SNRPE: variants seen among roughly 807,000 people sequenced by gnomAD.
SNRPE encodes the protein small nuclear ribonucleoprotein E.
For synonymous variants in SNRPE, 35 were observed against 36.7 expected, an observed-to-expected ratio of 0.95 and a Z score of 0.17; for missense variants, 53 against 111.6, an observed-to-expected ratio of 0.48 and a Z score of 2.36.
At chr1:203,869,778 CA>C in intron 4 of SNRPE, 98 bp from the exon 5 acceptor site, 1 of 767,888 alleles carries the variant, frequency 1.3e-6, no homozygotes, top group Non-Finnish European at 2.1e-6. Flanking sequence ...TATAAGAAAG[CA>C]TTTTCAAAAT....
chr1:203,869,726 A>C (rs1000672610), intron 4 of SNRPE, 151 bp from the exon 5 acceptor site: 4 of 571,626 alleles, frequency 7.0e-6, no homozygotes, highest in African/African-American at 5.7e-5. Context: ...GGAGCCAGAA[A>C]GCCTTTCACT....
chr1:203,862,361 AG>A (rs1471115343), intron 2 of SNRPE, 139 bp downstream of exon 2: 3 of 676,102 alleles, frequency 4.4e-6, no homozygotes, highest in Non-Finnish European at 8.0e-6. Context: ...ATTGAGGGGA[AG>A]GAGTACTTAG....
intron 3 of SNRPE, among the ~76,000 whole-genome samples, chr1:203,864,203 C>T (rs890404943): frequency 6.6e-6 from 1 of 152,128 alleles, no homozygotes; most frequent in Non-Finnish European, 1.5e-5. Flanking sequence ...ATTCTCCCAC[C>T]TCAGCCTCTC....
intron 3 of SNRPE, among the ~76,000 whole-genome samples, chr1:203,864,146 G>GGTT (rs1690037860): frequency 6.6e-6 from 1 of 151,964 alleles, no homozygotes; most frequent in Non-Finnish European, 1.5e-5. Flanking sequence ...TAGAGATGAG[G>GGTT]TCTCACTGTG....
chr1:203,862,329 T>C, intron 2 of SNRPE, 107 bp downstream of exon 2: 1 of 810,640 alleles, frequency 1.2e-6, no homozygotes, highest in Non-Finnish European at 2.1e-6. Context: ...TAAAAATAGA[T>C]GTAACTGGAG....
In SNRPE at chr1:203,870,019, G is replaced by A; in HGVS notation, c.*87G>A. 1.3e-6 allele frequency: 1 copy of A among 799,252 alleles called. No individual in the cohort carries two copies. The highest frequency in any genetic ancestry group is 2.7e-5 in the East Asian group (1 of 36,926). 49.5% of individuals were successfully genotyped at this position (799,252 alleles called of 1,614,324 possible). On this transcript the variant is annotated 3_prime_UTR_variant, in exon 5 of 5. Coordinates refer to ENST00000414487, the MANE Select transcript of SNRPE (RefSeq NM_003094.4). ...TCCAATGTGAACATTTATTCATATT[G>A]TTTTGATTACCCTCGTGTTACTACA...
At chr1:203,864,767 T>C (rs894211685) in intron 3 of SNRPE, among the ~76,000 whole-genome samples, 3 of 150,692 alleles carry the variant, frequency 2.0e-5, no homozygotes, top group Non-Finnish European at 2.9e-5. Context: ...TTCCAGCTAC[T>C]TGGGGGGAGC....
chr1:203,865,736 GCTT>G (rs1263645331), intron 4 of SNRPE, among the ~76,000 whole-genome samples: 4 of 152,144 alleles, frequency 2.6e-5, no homozygotes, highest in Non-Finnish European at 4.4e-5. Context: ...TTTTACCTGT[GCTT>G]CTTACTGACT....
rs77006142 is a variant in SNRPE at position 203,866,359 on chromosome 1, A to G, written c.223+1240A>G. Among the ~76,000 whole-genome samples the G allele has an allele frequency of 5.6e-3, 850 of 152,262 alleles. 6 individuals carry two copies. The highest frequency in any genetic ancestry group is 0.019 in the African/African-American group (795 of 41,528). On this transcript the variant is annotated intron_variant, in intron 4 of 4. Coordinates refer to ENST00000414487, the MANE Select transcript of SNRPE (RefSeq NM_003094.4). Reference sequence around the variant, plus strand: ...CTTATATATTCATTCTTGGGACCCAATCACTAAATGAGTTGCTCCAGGCTT... The same window carrying G: ...CTTATATATTCATTCTTGGGACCCAGTCACTAAATGAGTTGCTCCAGGCTT...
intron 1 of SNRPE, chr1:203,861,914 A>G (rs1044969897): frequency 8.1e-6 from 5 of 620,796 alleles, no homozygotes; most frequent in Non-Finnish European, 1.5e-5. Context: ...GCCGTGGGGA[A>G]TGCAGGAATG....
chr1:203,869,841 G>C (rs764134338), intron 4 of SNRPE, 36 bp from the exon 5 acceptor site: 2 of 1,470,320 alleles, frequency 1.4e-6, no homozygotes, highest in Non-Finnish European at 1.9e-6. Context: ...CTGAGTGTGT[G>C]GCTATTAATA....
chr1:203,862,354 G>A, intron 2 of SNRPE, 132 bp downstream of exon 2: 1 of 691,908 alleles, frequency 1.4e-6, no homozygotes, highest in South Asian at 1.7e-5. Flanking sequence ...GAGGGTAATT[G>A]AGGGGAAGGA....
At chr1:203,863,389 C>T (rs1018335358) in intron 2 of SNRPE, among the ~76,000 whole-genome samples, 17 of 152,222 alleles carry the variant, frequency 1.1e-4, no homozygotes, top group African/African-American at 3.6e-4. Flanking sequence ...GCGATCTCAG[C>T]TCACTGCAAC....
intron 4 of SNRPE, among the ~76,000 whole-genome samples, chr1:203,867,879 G>T (rs1690127042): frequency 6.6e-6 from 1 of 152,088 alleles, no homozygotes; most frequent in Non-Finnish European, 1.5e-5. Flanking sequence ...GGGATTATGT[G>T]CTCCCTGAGT....
chr1:203,864,982 C>A, intron 3 of SNRPE, 59 bp from the exon 4 acceptor site: 1 of 1,535,968 alleles, frequency 6.5e-7, no homozygotes, highest in Admixed American at 1.8e-5. Context: ...TAGGTATACT[C>A]ATTTAAAATG....
At position 203,861,759 on chromosome 1, in the gene SNRPE, C is replaced by T. The variant is rs780920520; in HGVS notation, c.54+46C>T. ...GGACTAGGAGGTTCGGGTCAGAATA[C>T]GGGGTGCGAAGGCGCAGGCTGAGGG... On this transcript the variant is annotated intron_variant, in intron 1 of 4. Coordinates refer to ENST00000414487, the MANE Select transcript of SNRPE (RefSeq NM_003094.4). 8.8e-5 allele frequency: 126 copies of T among 1,432,050 alleles called. 1 individual carries two copies. The Middle Eastern group carries it at 1.0e-3, about 12-fold the overall frequency. 88.7% of individuals were successfully genotyped at this position (1,432,050 alleles called of 1,614,324 possible). A position where few individuals can be genotyped will look rare whatever the true frequency, so the allele number is the denominator to read the frequency against.
rs1366211011 is a variant in SNRPE, at chr1:203,865,125, G to T, written c.223+6G>T. ...AAAGTCAAGAAAACAACTGGGTAAG[G>T]ATAGAAGTGGTCTTACAGAATTCTA... On this transcript the variant is annotated splice_donor_region_variant and intron_variant, in intron 4 of 4. Transcript: ENST00000414487. The T allele has an allele frequency of 6.2e-7, 1 of 1,607,306 alleles. No individual in the cohort carries two copies. The highest frequency in any genetic ancestry group is 1.7e-5 in the Admixed American group (1 of 59,396).
chr1:203,869,486 A>C (rs1420175953), intron 4 of SNRPE, among the ~76,000 whole-genome samples: 1 of 151,828 alleles, frequency 6.6e-6, no homozygotes, highest in Non-Finnish European at 1.5e-5. Flanking sequence ...TTGTATTTTT[A>C]GTAGAGATAG....
chr1:203,867,619 T>C (rs9969998), intron 4 of SNRPE, among the ~76,000 whole-genome samples: 115,037 of 151,894 alleles, frequency 0.76, 43,680 homozygotes, highest in East Asian at 0.8. Context: ...CAATAGGTTT[T>C]GCGCTCCTAT....
Sources: allele counts gnomAD v4.1 joint callset (sites outside exome capture counted in the v4.1 genomes callset), GRCh38; gene constraint gnomAD v4.1.1; transcripts MANE v1.5; gene names NCBI Gene and HGNC (gene_info 2026-07-23, HGNC 2026-07-21).